The following ABCA1 variants were observed in gnomAD, a reference collection of about 807,000 sequenced individuals.
ABCA1 encodes the protein phospholipid-transporting ATPase ABCA1.
A neutral mutation model predicts 262.5 loss-of-function variants in ABCA1; 133 were observed. That is an observed-to-expected ratio of 0.51 (90% CI 0.44 to 0.59). ABCA1 has a LOEUF of 0.59. Ranked by LOEUF, ABCA1 falls within the 20% of genes least tolerant of loss-of-function variation. The pLI is 0.00. For missense variants in ABCA1, 2,452 were observed against 2,777.5 expected, an observed-to-expected ratio of 0.88 and a Z score of 2.63; for synonymous variants, 1,022 against 1,043.5, an observed-to-expected ratio of 0.98 and a Z score of 0.40.
At chr9:104,891,184 ATTTG>A (rs1464246059) in intron 2 of ABCA1, among the ~76,000 whole-genome samples, 2 of 152,074 alleles carry the variant, frequency 1.3e-5, no homozygotes, top group African/African-American at 2.4e-5. Context: ...TTATTTATTT[ATTTG>A]TTGTTTTATT....
At chr9:104,925,417 A>T (rs10991416) in intron 1 of ABCA1, among the ~76,000 whole-genome samples, 22,661 of 151,358 alleles carry the variant, frequency 0.15, 1,848 homozygotes, top group Middle Eastern at 0.22. Flanking sequence ...ATAGGCCTGC[A>T]CTCGTAGAAA....
chr9:104,859,018 A>G (rs116702183), intron 6 of ABCA1, among the ~76,000 whole-genome samples: 167 of 152,330 alleles, frequency 1.1e-3, no homozygotes, highest in African/African-American at 4.0e-3. Flanking sequence ...GCAAACAGGA[A>G]TCCAGAGTCT....
intron 5 of ABCA1, 110 bp from the exon 6 acceptor site, chr9:104,861,910 G>C: frequency 1.0e-6 from 1 of 998,360 alleles, no homozygotes; most frequent in Non-Finnish European, 1.5e-6. Context: ...ATGATCAACA[G>C]TTGCCTGGCT....
At position 104,786,811 on chromosome 9, in the gene ABCA1, G is replaced by A. The variant is rs1044679241; in HGVS notation, c.6308+62C>T. ...ATTTTCTAATTTTTACAAAATGATC[G>A]CATATTCTACTTGGAAAGTTAAAAC... On this transcript the variant is annotated intron_variant, in intron 47 of 49. Coordinates refer to ENST00000374736, the MANE Select transcript of ABCA1 (RefSeq NM_005502.4). 134 of 1,373,958 alleles carry A rather than the reference G, an allele frequency of 9.8e-5. 1 individual carries two copies. The Admixed American group carries it at 1.3e-3, about 13-fold the overall frequency. 85.1% of individuals were successfully genotyped at this position (1,373,958 alleles called of 1,614,324 possible).
rs142979829 is a variant in ABCA1, at chr9:104,916,173, C to G, written c.-93+11762G>C. On this transcript the variant is annotated intron_variant, in intron 1 of 49. Coordinates refer to ENST00000374736, the MANE Select transcript of ABCA1 (RefSeq NM_005502.4). ...CTTTCTCGTGAACTCAAGGTTTTCA[C>G]TATAATTAACACAATCATTAAAGTA... Among the ~76,000 whole-genome samples, 40 of 152,164 alleles carry G rather than the reference C, an allele frequency of 2.6e-4. 1 individual carries two copies. In the East Asian group the frequency reaches 7.1e-3, roughly 27 times the overall value.
At chr9:104,917,853 G>C (rs1841935606) in intron 1 of ABCA1, among the ~76,000 whole-genome samples, 1 of 152,172 alleles carries the variant, frequency 6.6e-6, no homozygotes, top group African/African-American at 2.4e-5. Context: ...CTCATTGTCA[G>C]CTGGGGCCTT....
Position 104,812,587 on chromosome 9 carries a change from C to T in ABCA1, c.4037G>A (p.Gly1346Glu), listed in dbSNP as rs762770081. The change falls in exon 28 of 50, where the codon GGA (glycine) becomes GAA (glutamate). Residue 1346 changes from glycine to glutamate, a missense_variant. This residue lies in a region of ABCA1 where 665 missense variants were observed against 727.3 expected (regional missense o/e 0.91). Coordinates refer to ENST00000374736, the MANE Select transcript of ABCA1 (RefSeq NM_005502.4). ...RLLIARRSRK[G>E]FFAQIVLPAV... The stretch of plus-strand genomic sequence containing the variant: ...AGCACGTCTCACCTGAGCAAAAAAT[C>T]CTTTCCGACTCCGTCTGGCAATTAG... The T allele has an allele frequency of 5.9e-5, 95 of 1,614,060 alleles. No individual in the cohort carries two copies. The highest frequency in any genetic ancestry group is 3.3e-5 in the Admixed American group (2 of 60,002).
chr9:104,922,567 G>A (rs73664382), intron 1 of ABCA1, among the ~76,000 whole-genome samples: 16,848 of 152,060 alleles, frequency 0.11, 1,643 homozygotes, highest in African/African-American at 0.27. Flanking sequence ...GTTATTACAC[G>A]GAAAACTTAA....
In ABCA1 at chr9:104,885,090, G is replaced by A. The variant is rs548639669; in HGVS notation, c.161-522C>T. Among the ~76,000 whole-genome samples, 23 of 152,272 alleles carry A rather than the reference G, an allele frequency of 1.5e-4. No homozygotes were observed. In the South Asian group the frequency reaches 3.9e-3, roughly 26 times the overall value. ...GTCTCTACTAAGCATACAAAAATTCGATGGGCTTGGTGGCAGGCGCCTGTA... is the reference window on the plus strand; with the variant it reads ...GTCTCTACTAAGCATACAAAAATTCAATGGGCTTGGTGGCAGGCGCCTGTA... On this transcript the variant is annotated intron_variant, in intron 3 of 49. Transcript: ENST00000374736.
rs778333782 is a variant in ABCA1 at position 104,903,721 on chromosome 9, T to C, written c.-42A>G. The C allele has an allele frequency of 3.9e-6, 6 of 1,552,954 alleles. No individual in the cohort carries two copies. Among genetic ancestry groups the C allele is most frequent in the Middle Eastern group, 3.4e-4 (2 of 5,922 alleles). On this transcript the variant is annotated 5_prime_UTR_variant, in exon 2 of 50. Coordinates refer to ENST00000374736, the MANE Select transcript of ABCA1 (RefSeq NM_005502.4). ...CCCCCAGCGTGTGGCTCGGGAGCCC[T>C]GGAAGGCAGCGGCCAGAGCTCACAG... is the stretch of plus-strand genomic sequence containing the variant.
chr9:104,829,160 A>G, intron 14 of ABCA1, 22 bp from the exon 15 acceptor site: 1 of 1,613,492 alleles, frequency 6.2e-7, no homozygotes, highest in South Asian at 1.1e-5. Flanking sequence ...AAGGAAGGAC[A>G]AGGGGAGAAA....
chr9:104,811,042 A>G, intron 28 of ABCA1, 118 bp from the exon 29 acceptor site: 1 of 1,457,052 alleles, frequency 6.9e-7, no homozygotes, highest in African/African-American at 1.4e-5. Context: ...CAGCACGGCA[A>G]TGAGGAATGC....
rs3983647 is a variant in ABCA1 at position 104,799,394 on chromosome 9, TCACACACACACACACACACA to T, written c.4943+405_4943+424del. On this transcript the variant is annotated intron_variant, in intron 36 of 49. Coordinates refer to ENST00000374736, the MANE Select transcript of ABCA1 (RefSeq NM_005502.4). ...AACTAGCTCATCCTGGCTTTAAACT[TCACACACACACACACACACA>T]CACACACACACACACACACACAGCT... is the stretch of plus-strand genomic sequence containing the variant. 5,269 of 553,368 alleles carry T rather than the reference TCACACACACACACACACACA, an allele frequency of 9.5e-3. 239 individuals carry two copies. The African/African-American group carries it at 0.11, about 12-fold the overall frequency. 34.3% of individuals were successfully genotyped at this position (553,368 alleles called of 1,614,324 possible).
intron 37 of ABCA1, among the ~76,000 whole-genome samples, chr9:104,797,147 A>G (rs1297011225): frequency 6.6e-6 from 1 of 152,198 alleles, no homozygotes; most frequent in Non-Finnish European, 1.5e-5. Context: ...GCAGGGAGGG[A>G]CAGATAATAC....
At position 104,823,643 on chromosome 9, in the gene ABCA1, G is replaced by T. The variant is rs1429095589; in HGVS notation, c.2656+822C>A. 2.0e-5 allele frequency among the ~76,000 whole-genome samples: 3 copies of T among 152,144 alleles called. No homozygotes were observed. In the East Asian group the frequency reaches 5.8e-4, roughly 29 times the overall value. On this transcript the variant is annotated intron_variant, in intron 18 of 49. Transcript: ENST00000374736. ...GAACTAGATCTTGGAGAGAAAGGAG[G>T]AGTTGAGAAGATAGGCAAGTTAGAG...
At chr9:104,808,249 G>A (rs1443834162) in intron 30 of ABCA1, among the ~76,000 whole-genome samples, 1 of 152,180 alleles carries the variant, frequency 6.6e-6, no homozygotes, top group Non-Finnish European at 1.5e-5. Flanking sequence ...CTGATGTCAG[G>A]GCCGGGCCTC....
chr9:104,814,326 T>C, intron 26 of ABCA1, 95 bp from the exon 27 acceptor site: 2 of 1,558,080 alleles, frequency 1.3e-6, no homozygotes, highest in South Asian at 1.1e-5. Context: ...CAAATGAGAA[T>C]GCAATAGAAC....
chr9:104,890,516 G>A (rs1446904938), intron 2 of ABCA1, among the ~76,000 whole-genome samples: 1 of 152,144 alleles, frequency 6.6e-6, no homozygotes, highest in Non-Finnish European at 1.5e-5. Flanking sequence ...AGGAGGCAGA[G>A]GTTGCGGTGA....
intron 36 of ABCA1, 135 bp downstream of exon 36, chr9:104,799,684 C>G: frequency 6.4e-7 from 1 of 1,563,110 alleles, no homozygotes. Flanking sequence ...TGCCCAGAGC[C>G]TGGATCAATC....
Sources: allele counts gnomAD v4.1 joint callset (sites outside exome capture counted in the v4.1 genomes callset), GRCh38; gene constraint gnomAD v4.1.1; regional missense constraint gnomAD v4.1.1; transcripts MANE v1.5; gene names NCBI Gene and HGNC (gene_info 2026-07-23, HGNC 2026-07-21).